Variants in XKR9 observed in about 807,000 individuals in gnomAD.
The protein encoded by XKR9 is XK related 9.
A neutral mutation model predicts 32.0 loss-of-function variants in XKR9; 32 were observed. That is an observed-to-expected ratio of 1.00 (90% CI 0.76 to 1.34). The LOEUF (loss-of-function observed/expected upper bound fraction) is 1.34. Ranked by LOEUF, XKR9 falls within the 40% of genes most tolerant of loss-of-function variation. The pLI is 0.00. For missense variants in XKR9, 546 were observed against 429.7 expected, an observed-to-expected ratio of 1.27 and a Z score of -2.39; for synonymous variants, 168 against 143.4, an observed-to-expected ratio of 1.17 and a Z score of -1.22.
the XKR9 span, among the ~76,000 whole-genome samples, chr8:70,924,633 C>T: frequency 6.6e-6 from 1 of 152,150 alleles, no homozygotes; most frequent in African/African-American, 2.4e-5. Context: ...GATTCCTACA[C>T]ATATGTATAT....
intron 4 of XKR9, among the ~76,000 whole-genome samples, chr8:70,718,090 C>A (rs1431031639): frequency 6.6e-6 from 1 of 152,098 alleles, no homozygotes. Context: ...AGGCATTCAA[C>A]AAGTCTCTAG....
the XKR9 span, among the ~76,000 whole-genome samples, chr8:70,920,589 G>A: frequency 2.0e-5 from 3 of 152,000 alleles, no homozygotes; most frequent in Non-Finnish European, 4.4e-5. Flanking sequence ...GAAGTGCTTT[G>A]ATAATGAGCC....
the XKR9 span, among the ~76,000 whole-genome samples, chr8:70,813,950 C>T: frequency 6.6e-6 from 1 of 152,146 alleles, no homozygotes; most frequent in Non-Finnish European, 1.5e-5. Flanking sequence ...TGAGTATATA[C>T]CCAAAGGATT....
the XKR9 span, among the ~76,000 whole-genome samples, chr8:71,022,511 A>T: frequency 6.6e-6 from 1 of 152,102 alleles, no homozygotes; most frequent in Non-Finnish European, 1.5e-5. Context: ...GGGTTCCCTG[A>T]AGAGTGGCTA....
chr8:70,804,715 A>G, the XKR9 span, among the ~76,000 whole-genome samples: 1 of 152,222 alleles, frequency 6.6e-6, no homozygotes, highest in Non-Finnish European at 1.5e-5. Flanking sequence ...GTTTAATTGG[A>G]TAGCAAATTT....
the XKR9 span, among the ~76,000 whole-genome samples, chr8:70,818,646 A>T: frequency 6.6e-6 from 1 of 152,178 alleles, no homozygotes; most frequent in African/African-American, 2.4e-5. Context: ...GTATAGTATT[A>T]TACATCATTT....
At position 70,699,695 on chromosome 8, in the gene XKR9, T is replaced by C. The variant is rs376949413; in HGVS notation, c.273-7238T>C. Reference sequence around the variant, plus strand: ...CTCTTCTCGAGGAGTATCTTTGTGGTGTTCTCTGTATTTCCTGTATGTGAA... The same window carrying C: ...CTCTTCTCGAGGAGTATCTTTGTGGCGTTCTCTGTATTTCCTGTATGTGAA... On this transcript the variant is annotated intron_variant, in intron 3 of 4. Coordinates refer to ENST00000408926, the MANE Select transcript of XKR9 (RefSeq NM_001011720.2). Among the ~76,000 whole-genome samples, 406 of 152,250 alleles carry C rather than the reference T, an allele frequency of 2.7e-3. 1 individual carries two copies. Among genetic ancestry groups the C allele is most frequent in the Non-Finnish European group, 4.6e-3 (316 of 67,984 alleles).
chr8:70,741,839 T>C (rs1346640201), intron 2 of XKR9, among the ~76,000 whole-genome samples: 1 of 152,202 alleles, frequency 6.6e-6, no homozygotes, highest in Non-Finnish European at 1.5e-5. Context: ...GATTTCTTGA[T>C]CATATGGTGG....
intron 3 of XKR9, among the ~76,000 whole-genome samples, chr8:70,685,310 A>C (rs1347998536): frequency 2.3e-5 from 3 of 128,742 alleles, no homozygotes; most frequent in Non-Finnish European, 4.7e-5. Context: ...ACACATGGAC[A>C]CAGGAAGGGG....
intron 2 of XKR9, among the ~76,000 whole-genome samples, chr8:70,780,181 C>G (rs898624307): frequency 1.3e-5 from 2 of 151,682 alleles, no homozygotes; most frequent in Admixed American, 1.3e-4. Context: ...TTTTATTGTA[C>G]TTTTTCATGA....
chr8:70,785,619 C>G (rs908802892), intron 2 of XKR9, among the ~76,000 whole-genome samples: 1 of 148,864 alleles, frequency 6.7e-6, no homozygotes, highest in African/African-American at 2.5e-5. Context: ...TGAGATCTTT[C>G]TTCTTTTATA....
chr8:70,869,047 A>G, the XKR9 span, among the ~76,000 whole-genome samples: 1 of 152,172 alleles, frequency 6.6e-6, no homozygotes, highest in East Asian at 1.9e-4. Context: ...TTTTCATCCG[A>G]GACCACCTCA....
At chr8:71,031,077 T>C in the XKR9 span, among the ~76,000 whole-genome samples, 175 of 152,274 alleles carry the variant, frequency 1.1e-3, 1 homozygote, top group Non-Finnish European at 2.1e-3. Flanking sequence ...ACTAAACTGT[T>C]AATTCTCAAA....
intron 2 of XKR9, among the ~76,000 whole-genome samples, chr8:70,741,878 C>A (rs1412519213): frequency 1.3e-5 from 2 of 151,870 alleles, no homozygotes; most frequent in African/African-American, 2.4e-5. Context: ...ATACTGTTTC[C>A]ATAATGGCTG....
At chr8:70,732,591 A>G (rs1044914505) in intron 4 of XKR9, among the ~76,000 whole-genome samples, 3 of 152,202 alleles carry the variant, frequency 2.0e-5, no homozygotes, top group South Asian at 2.1e-4. Context: ...GACAGAATCA[A>G]TTTATCATGA....
chr8:70,784,652 G>T (rs1016589774), intron 2 of XKR9, among the ~76,000 whole-genome samples: 2 of 151,904 alleles, frequency 1.3e-5, no homozygotes, highest in Non-Finnish European at 2.9e-5. Context: ...AACAGTGACA[G>T]GTTTACTTCT....
At chr8:70,863,003 G>A in the XKR9 span, among the ~76,000 whole-genome samples, 1 of 152,174 alleles carries the variant, frequency 6.6e-6, no homozygotes, top group South Asian at 2.1e-4. Context: ...GAGGGAGCAT[G>A]AGTTGTTTGA....
the XKR9 span, among the ~76,000 whole-genome samples, chr8:70,845,688 G>A: frequency 6.6e-6 from 1 of 151,978 alleles, no homozygotes; most frequent in African/African-American, 2.4e-5. Flanking sequence ...AGAGCAAACA[G>A]AAGAAGCAAA....
At chr8:70,774,155 A>C (rs1807488862) in intron 2 of XKR9, among the ~76,000 whole-genome samples, 1 of 152,152 alleles carries the variant, frequency 6.6e-6, no homozygotes, top group Non-Finnish European at 1.5e-5. Flanking sequence ...TGTCATATAC[A>C]CTTAGGGATA....
Sources: allele counts gnomAD v4.1 joint callset (sites outside exome capture counted in the v4.1 genomes callset), GRCh38; gene constraint gnomAD v4.1.1; transcripts MANE v1.5; gene names NCBI Gene and HGNC (gene_info 2026-07-23, HGNC 2026-07-21).